Variants in ADAR observed in about 807,000 individuals in gnomAD.
ADAR encodes double-stranded RNA-specific adenosine deaminase.
A neutral mutation model predicts 113.2 loss-of-function variants in ADAR; 41 were observed. That is an observed-to-expected ratio of 0.36 (90% CI 0.28 to 0.47). The LOEUF (loss-of-function observed/expected upper bound fraction) is 0.47, where lower values mean the gene tolerates loss of function less well. ADAR is among the 20% of genes least tolerant of loss of function. The pLI, the probability that ADAR is intolerant of heterozygous loss-of-function variation, is 1.00. For synonymous variants in ADAR, 605 were observed against 572.6 expected (o/e 1.06, Z -0.81); for missense variants, 1,242 against 1,540.9 (o/e 0.81, Z 3.25).
At chr1:154,591,554 G>A (rs1188915465) in intron 6 of ADAR, among the ~76,000 whole-genome samples, 4 of 152,230 alleles carry the variant, frequency 2.6e-5, no homozygotes, top group South Asian at 2.1e-4. Flanking sequence ...GGCTTCTACC[G>A]CTCCGGCTGG....
At position 154,607,992 on chromosome 1, in the gene ADAR, C is replaced by T. The variant is rs531203883; in HGVS notation, c.15G>A (p.Gln5=). MNPR[Q]GYSLSGYYTH... is the part of the protein sequence containing the mutation. ...AAGGTCCAAGGCCGGCCCGGCTTAC[C>T]TGCCGCGGATTCATTGCGCCCGCGA... Residue 5 remains glutamine (Q), a splice_region_variant and synonymous_variant, in exon 1 of 15, where the codon CAG becomes CAA. Transcript: ENST00000368474. 6.2e-7 allele frequency: 1 copy of T among 1,608,486 alleles called. No individual in the cohort carries two copies. The highest frequency in any genetic ancestry group is 1.1e-5 in the South Asian group (1 of 90,248).
At chr1:154,620,426 G>GT (rs1410432633) in intron 1 of ADAR, among the ~76,000 whole-genome samples, 1 of 151,840 alleles carries the variant, frequency 6.6e-6, no homozygotes, top group South Asian at 2.1e-4. Context: ...ACAAACAATG[G>GT]TTTAAGATGG....
At chr1:154,604,702 T>G (rs1194261019) in intron 1 of ADAR, among the ~76,000 whole-genome samples, 1 of 152,222 alleles carries the variant, frequency 6.6e-6, no homozygotes, top group Non-Finnish European at 1.5e-5. Context: ...TTATAATTTT[T>G]TAATAGCTAC....
rs570816405 is a variant in ADAR at position 154,601,908 on chromosome 1, A to G, written c.734T>C (p.Phe245Ser). The G allele has an allele frequency of 3.1e-6, 5 of 1,612,184 alleles. No individual in the cohort carries two copies. Among genetic ancestry groups the G allele is most frequent in the Non-Finnish European group, 3.4e-6 (4 of 1,179,564 alleles). Residue 245 changes from phenylalanine to serine, a missense_variant, in exon 2 of 15, where the codon TTT becomes TCT. Around this residue, in one of 2 missense-constraint regions of ADAR, gnomAD observed 462 missense variants for 483.1 expected, o/e 0.96. Transcript: ENST00000368474. This position sits in a 1 kb window ranked among gnomAD's most constrained non-coding sequence, Gnocchi z 4.7. ...TSVSEDLLEPFIAVSAQAWNQ... is the reference protein window; with the variant it reads ...TSVSEDLLEPSIAVSAQAWNQ... ...CCAAGCCTGAGCTGAGACTGCAATA[A>G]AAGGCTCAAGAAGATCTTCTGAGAC...
chr1:154,605,982 C>A, intron 1 of ADAR: 1 of 949,606 alleles, frequency 1.1e-6, no homozygotes, highest in Non-Finnish European at 1.3e-6. Context: ...ATGAAACATT[C>A]ATTCTATGGA....
At chr1:154,608,286 T>C (rs1012470934), upstream of ADAR, 3 of 490,264 alleles carry the variant, frequency 6.1e-6, no homozygotes, top group Non-Finnish European at 1.1e-5. Flanking sequence ...TTCAGGCCGG[T>C]TACAAGTCGA....
At position 154,582,948 on chromosome 1, in the gene ADAR, C is replaced by T. The variant is rs1696502685; in HGVS notation, c.*1858G>A. The T allele has an allele frequency of 6.6e-6, 1 of 152,356 alleles. No homozygotes were observed. Among genetic ancestry groups the T allele is most frequent in the African/African-American group, 2.4e-5 (1 of 41,576 alleles). The allele number at this position is 152,356 out of a possible 1,614,324, so 9.4% of individuals were successfully genotyped here. ...ATGCTTTGGTGTTCTGCAAAGGCAT[C>T]CTTAGTCTATTTTTAGAACTTGCAT... is the stretch of plus-strand genomic sequence containing the variant. On this transcript the variant is annotated 3_prime_UTR_variant, in exon 15 of 15. Transcript: ENST00000368474.
chr1:154,606,333 GTTATT>G (rs1435579062), intron 1 of ADAR, among the ~76,000 whole-genome samples: 1 of 152,142 alleles, frequency 6.6e-6, no homozygotes, highest in African/African-American at 2.4e-5. Flanking sequence ...CGCCCGGCCA[GTTATT>G]TTATTTTTTT....
In ADAR at chr1:154,601,394, G is replaced by T; in HGVS notation, c.1248C>A (p.Val416=). 1 of 1,614,194 alleles carries T rather than the reference G, an allele frequency of 6.2e-7. No individual in the cohort carries two copies. Among genetic ancestry groups the T allele is most frequent in the Non-Finnish European group, 8.5e-7 (1 of 1,180,048 alleles). ...TEKVENGQEP[V]IKLENRQEAR... The stretch of plus-strand genomic sequence containing the variant: ...CCTCTTGCCTGTTTTCTAACTTTAT[G>T]ACAGGTTCCTGCCCATTCTCCACTT... Residue 416 remains valine (V), a synonymous_variant, in exon 2 of 15, where the codon GTC becomes GTA. Coordinates refer to ENST00000368474, the MANE Select transcript of ADAR (RefSeq NM_001111.5). The surrounding 1 kb of genome is among the most constrained non-coding windows in gnomAD (Gnocchi z 4.7).
intron 1 of ADAR, among the ~76,000 whole-genome samples, chr1:154,619,284 AGTGATACAT>A (rs1234297174): frequency 1.3e-5 from 2 of 152,210 alleles, no homozygotes; most frequent in East Asian, 3.8e-4. Flanking sequence ...TTCTTTTGTC[AGTGATACAT>A]GTGATACATT....
chr1:154,601,027 G>C lies in ADAR; in HGVS notation c.1601+14C>G. 6.2e-7 allele frequency: 1 copy of C among 1,614,016 alleles called. No individual in the cohort carries two copies. Among genetic ancestry groups the C allele is most frequent in the Non-Finnish European group, 8.5e-7 (1 of 1,180,046 alleles). On this transcript the variant is annotated intron_variant, in intron 2 of 14. Transcript: ENST00000368474. This position sits in a 1 kb window ranked among gnomAD's most constrained non-coding sequence, Gnocchi z 4.7. ...GACCCCAACCCTAGGTACAGTTCCT[G>C]GGTGGTCTCTTACCGAGGTTCATGG...
rs1278673572 is a variant in ADAR at position 154,600,974 on chromosome 1, C to A, written c.1601+67G>T. 3 of 1,606,522 alleles carry A rather than the reference C, an allele frequency of 1.9e-6. No individual in the cohort carries two copies. In the African/African-American group the frequency reaches 4.0e-5, roughly 21 times the overall value. ...CAAACAGCACTGCTCACAAATCAGCCAAGACTGCGTCAGGAGCAAAAGCAC... is the reference window on the plus strand; with the variant it reads ...CAAACAGCACTGCTCACAAATCAGCAAAGACTGCGTCAGGAGCAAAAGCAC... On this transcript the variant is annotated intron_variant, in intron 2 of 14. Transcript: ENST00000368474.
Position 154,588,145 on chromosome 1 carries a change from A to G in ADAR, c.2999T>C (p.Leu1000Pro). 6.2e-7 allele frequency: 1 copy of G among 1,613,892 alleles called. No individual in the cohort carries two copies. The highest frequency in any genetic ancestry group is 1.3e-5 in the African/African-American group (1 of 75,004). Residue 1000 changes from leucine to proline, a missense_variant, in exon 11 of 15, where the codon CTC becomes CCC. Physicochemically the swap from Leu to Pro is moderately conservative, Grantham distance 98. Around this residue, in one of 2 missense-constraint regions of ADAR, gnomAD observed 780 missense variants for 1,057.9 expected, o/e 0.74. Coordinates refer to ENST00000368474, the MANE Select transcript of ADAR (RefSeq NM_001111.5). ...CTCACCGTTCTCCACCTTGGTGCGG[A>G]GCTTTCCTTGTTTGGGATTCTCGAA... is the stretch of plus-strand genomic sequence containing the variant. ...PVFENPKQGK[L>P]RTKVENGEGT...
intron 1 of ADAR, among the ~76,000 whole-genome samples, chr1:154,615,974 T>C (rs985946213): frequency 3.9e-5 from 6 of 152,192 alleles, no homozygotes; most frequent in Non-Finnish European, 5.9e-5. Context: ...CTCTTTTCTA[T>C]CCAGTCTTCT....
chr1:154,623,142 A>T (rs1698838157), intron 1 of ADAR, among the ~76,000 whole-genome samples: 1 of 152,180 alleles, frequency 6.6e-6, no homozygotes, highest in African/African-American at 2.4e-5. Flanking sequence ...CAGAAATAAC[A>T]TCTACAAGGG....
intron 10 of ADAR, 89 bp downstream of exon 10, chr1:154,588,462 G>A (rs1696911120): frequency 6.3e-7 from 1 of 1,576,334 alleles, no homozygotes; most frequent in Admixed American, 1.7e-5. Flanking sequence ...ATTGTATCAG[G>A]TTCGATTTAC....
Position 154,602,301 on chromosome 1 carries a change from C to T in ADAR, c.341G>A (p.Arg114His), listed in dbSNP as rs770167108. The T allele has an allele frequency of 1.1e-5, 18 of 1,613,696 alleles. No individual in the cohort carries two copies. The highest frequency in any genetic ancestry group is 6.7e-5 in the Admixed American group (4 of 59,964). ...ACCTCTCTGTGGCAGACTCCTGCCACGTGGTGAAGGATGCTGGAACCCTCT... is the reference window on the plus strand; with the variant it reads ...ACCTCTCTGTGGCAGACTCCTGCCATGTGGTGAAGGATGCTGGAACCCTCT... ...LQRGFQHPSP[R>H]GRSLPQRGVD... Residue 114 changes from arginine to histidine, a missense_variant, in exon 2 of 15, where the codon CGT (arginine) becomes CAT (histidine). Around this residue, in one of 2 missense-constraint regions of ADAR, gnomAD observed 462 missense variants for 483.1 expected, o/e 0.96. Transcript: ENST00000368474.
upstream of ADAR, among the ~76,000 whole-genome samples, chr1:154,610,536 C>A (rs529279006): frequency 1.3e-5 from 2 of 152,100 alleles, no homozygotes; most frequent in East Asian, 3.8e-4. Context: ...TGAGGCCGGG[C>A]GCAGTGGCTC....
intron 6 of ADAR, among the ~76,000 whole-genome samples, chr1:154,593,995 T>TG (rs1009299313): frequency 2.6e-5 from 4 of 152,164 alleles, no homozygotes; most frequent in Non-Finnish European, 5.9e-5. Context: ...GTAATTCTCC[T>TG]GCTCAGCCTC....
Sources: allele counts gnomAD v4.1 joint callset (sites outside exome capture counted in the v4.1 genomes callset), GRCh38; gene constraint gnomAD v4.1.1; regional missense constraint gnomAD v4.1.1; non-coding constraint Gnocchi (gnomAD v3.1); transcripts MANE v1.5; gene names NCBI Gene and HGNC (gene_info 2026-07-23, HGNC 2026-07-21).